Variants in NYAP2 observed in about 807,000 individuals in gnomAD.
NYAP2 encodes the protein neuronal tyrosine-phosphorylated phosphoinositide-3-kinase adapter 2.
In NYAP2, 23 loss-of-function variants were observed where a neutral mutation model predicts 50.4. The observed-to-expected ratio is 0.46, with a 90% CI of 0.33 to 0.65. The LOEUF is 0.65. NYAP2 is among the 30% of genes least tolerant of loss of function. The pLI is 0.02. For missense variants in NYAP2, 885 were observed against 861.0 expected, an observed-to-expected ratio of 1.03 and a Z score of -0.35; for synonymous variants, 394 against 365.2, an observed-to-expected ratio of 1.08 and a Z score of -0.90.
At chr2:225,411,033 A>G (rs1695029945) in intron 3 of NYAP2, among the ~76,000 whole-genome samples, 1 of 152,204 alleles carries the variant, frequency 6.6e-6, no homozygotes, top group South Asian at 2.1e-4. Flanking sequence ...ATTGAATTGA[A>G]GAAGTCCCAC....
At chr2:225,542,772 G>C (rs1691499388) in intron 4 of NYAP2, among the ~76,000 whole-genome samples, 1 of 151,876 alleles carries the variant, frequency 6.6e-6, no homozygotes, top group Admixed American at 6.6e-5. Context: ...GGATAAGACT[G>C]GCCTCATTAA....
intron 4 of NYAP2, among the ~76,000 whole-genome samples, chr2:225,543,975 C>G (rs924991536): frequency 1.3e-5 from 2 of 152,092 alleles, no homozygotes; most frequent in Admixed American, 1.3e-4. Context: ...TTGTTATATC[C>G]TCTTGCTAAA....
chr2:225,651,329 T>A, intron 6 of NYAP2, 103 bp from the exon 7 acceptor site: 1 of 1,455,856 alleles, frequency 6.9e-7, no homozygotes, highest in Admixed American at 1.7e-5. Flanking sequence ...GCATTTTGTA[T>A]ATTCCAAGAA....
At chr2:225,647,012 A>G (rs1194006160) in intron 6 of NYAP2, among the ~76,000 whole-genome samples, 1 of 152,142 alleles carries the variant, frequency 6.6e-6, no homozygotes, top group Admixed American at 6.5e-5. Flanking sequence ...TAAAAGGGGA[A>G]ATTAATCTTT....
At chr2:225,655,814 G>A (rs1471494129), downstream of NYAP2, among the ~76,000 whole-genome samples, 1 of 149,760 alleles carries the variant, frequency 6.7e-6, no homozygotes, top group Non-Finnish European at 1.5e-5. Flanking sequence ...GCTTTCCTTG[G>A]AAAAATGTTC....
intron 3 of NYAP2, among the ~76,000 whole-genome samples, chr2:225,440,947 A>G (rs1293449611): frequency 3.3e-5 from 5 of 152,184 alleles, no homozygotes; most frequent in Non-Finnish European, 7.4e-5. Flanking sequence ...CACTGGTGTC[A>G]ATGGAGGCTG....
intron 3 of NYAP2, among the ~76,000 whole-genome samples, chr2:225,486,135 C>G (rs147973125): frequency 6.6e-6 from 1 of 152,168 alleles, no homozygotes; most frequent in African/African-American, 2.4e-5. Context: ...GGTGCCCTGG[C>G]TGGAATAGCC....
the NYAP2 span, among the ~76,000 whole-genome samples, chr2:225,694,987 C>G: frequency 6.6e-6 from 1 of 151,692 alleles, no homozygotes. Flanking sequence ...TCAGACCATT[C>G]TATCAATCAA....
chr2:225,605,434 C>T (rs569570138), intron 5 of NYAP2, among the ~76,000 whole-genome samples: 2 of 152,216 alleles, frequency 1.3e-5, no homozygotes, highest in Admixed American at 6.5e-5. Context: ...GACTTTTTAA[C>T]CTCCTAATGA....
At chr2:225,644,490 G>T (rs1693593539) in intron 6 of NYAP2, among the ~76,000 whole-genome samples, 1 of 151,526 alleles carries the variant, frequency 6.6e-6, no homozygotes, top group African/African-American at 2.4e-5. Flanking sequence ...CATTGCTTTT[G>T]GTGTTTTAGA....
chr2:225,597,531 G>GTATATATATATATATATATATA (rs1692626293), intron 5 of NYAP2, among the ~76,000 whole-genome samples: 1 of 28,150 alleles, frequency 3.6e-5, no homozygotes, highest in African/African-American at 9.5e-5. Context: ...ATATATATAT[G>GTATATATATATATATATATATA]TATCACAATT....
chr2:225,516,385 T>C (rs911965853), intron 4 of NYAP2, among the ~76,000 whole-genome samples: 1 of 152,134 alleles, frequency 6.6e-6, no homozygotes, highest in African/African-American at 2.4e-5. Flanking sequence ...ACTTGATAGG[T>C]AGTGAGCTCA....
intron 4 of NYAP2, among the ~76,000 whole-genome samples, chr2:225,581,645 T>C (rs751079317): frequency 6.6e-6 from 1 of 152,210 alleles, no homozygotes; most frequent in Non-Finnish European, 1.5e-5. Context: ...GTATGTTTCA[T>C]CTGAAAGCTT....
chr2:225,580,074 T>A (rs562446501), intron 4 of NYAP2, among the ~76,000 whole-genome samples: 1 of 152,278 alleles, frequency 6.6e-6, no homozygotes, highest in East Asian at 1.9e-4. Flanking sequence ...TCAATATTTG[T>A]AGAAAATAGT....
At chr2:225,694,297 AC>A in the NYAP2 span, among the ~76,000 whole-genome samples, 1 of 151,574 alleles carries the variant, frequency 6.6e-6, no homozygotes, top group African/African-American at 2.4e-5. Context: ...GGGATTTTAC[AC>A]ATCTTTTTTT....
intron 4 of NYAP2, among the ~76,000 whole-genome samples, chr2:225,514,169 AC>A (rs1248619272): frequency 2.6e-5 from 4 of 152,164 alleles, no homozygotes; most frequent in Admixed American, 2.6e-4. Context: ...TCCAATTTTT[AC>A]CTTTATCTGC....
chr2:225,440,685 A>G (rs1482484073), intron 3 of NYAP2, among the ~76,000 whole-genome samples: 4 of 152,206 alleles, frequency 2.6e-5, no homozygotes, highest in African/African-American at 4.8e-5. Flanking sequence ...AGGAAAGACA[A>G]AAGAGTATGG....
the NYAP2 span, among the ~76,000 whole-genome samples, chr2:225,671,439 T>C: frequency 6.6e-6 from 1 of 152,180 alleles, no homozygotes; most frequent in Admixed American, 6.5e-5. Flanking sequence ...ATGAGATTGC[T>C]GCAATTCAGT....
At chr2:225,659,062 CA>C in the NYAP2 span, among the ~76,000 whole-genome samples, 1 of 152,154 alleles carries the variant, frequency 6.6e-6, no homozygotes, top group African/African-American at 2.4e-5. Context: ...TTTATTCTGT[CA>C]GAGCAAGGAG....
Sources: allele counts gnomAD v4.1 joint callset (sites outside exome capture counted in the v4.1 genomes callset), GRCh38; gene constraint gnomAD v4.1.1; transcripts MANE v1.5; gene names NCBI Gene and HGNC (gene_info 2026-07-23, HGNC 2026-07-21).